Variants in PAX1 observed in about 807,000 individuals in gnomAD.
The protein encoded by PAX1 is paired box protein Pax-1.
Under a neutral mutation model 35.6 loss-of-function variants are expected in PAX1, and 18 were observed. That is an observed-to-expected ratio of 0.50 (90% confidence interval 0.35 to 0.75). The LOEUF (loss-of-function observed/expected upper bound fraction) is 0.75, where lower values mean the gene tolerates loss of function less well. PAX1 is among the 30% of genes least tolerant of loss of function. PAX1 has a pLI of 0.01. For synonymous variants in PAX1, 397 were observed against 305.2 expected (o/e 1.30, Z -3.14); for missense variants, 760 against 661.5 (o/e 1.15, Z -1.63).
Position 21,714,793 on chromosome 20 carries a change from T to C in PAX1, c.*231T>C. On this transcript the variant is annotated 3_prime_UTR_variant, in exon 5 of 5. Transcript: ENST00000613128. ...TCTGGGTTTTTAGGCTTCTCTGAACTTGGGTTTTAGACTGCCGTACCCTCC... is the reference window on the plus strand; with the variant it reads ...TCTGGGTTTTTAGGCTTCTCTGAACCTGGGTTTTAGACTGCCGTACCCTCC... The C allele has an allele frequency of 6.2e-7, 1 of 1,600,148 alleles. No homozygotes were observed. The highest frequency in any genetic ancestry group is 8.5e-7 in the Non-Finnish European group (1 of 1,179,810).
chr20:21,706,392 G>A lies in PAX1; in HGVS notation c.287-46G>A, dbSNP rs1555804450. On this transcript the variant is annotated intron_variant, in intron 1 of 4. Coordinates refer to ENST00000613128, the MANE Select transcript of PAX1 (RefSeq NM_001257096.2). The surrounding 1 kb of genome is among the most constrained non-coding windows in gnomAD (Gnocchi z 5.3). ...GTGGGGACCCTTGGCTAACCCGCCG[G>A]GTGTTTTCTCCCCCTCCGGCTCACT... 7 of 1,607,458 alleles carry A rather than the reference G, an allele frequency of 4.4e-6. No homozygotes were observed. In the South Asian group the frequency reaches 5.5e-5, roughly 13 times the overall value.
chr20:21,713,965 C>G (rs1388602392), intron 4 of PAX1, among the ~76,000 whole-genome samples: 2 of 152,260 alleles, frequency 1.3e-5, no homozygotes, highest in Admixed American at 1.3e-4. Context: ...CGCAAGATTT[C>G]CCCCTGCCCA....
chr20:21,714,463 T>C lies in PAX1; in HGVS notation c.1283-8T>C, dbSNP rs1164239181. 2.6e-6 allele frequency: 4 copies of C among 1,560,688 alleles called. No homozygotes were observed. Among genetic ancestry groups the C allele is most frequent in the Non-Finnish European group, 3.5e-6 (4 of 1,154,862 alleles). On this transcript the variant is annotated splice_polypyrimidine_tract_variant and splice_region_variant and intron_variant, in intron 4 of 4. Coordinates refer to ENST00000613128, the MANE Select transcript of PAX1 (RefSeq NM_001257096.2). ...AGTGATCCGACGCCTCTGTGCTTCCTCCCGCAGTGGCTGACAGGAAGCCTC... is the reference window on the plus strand; with the variant it reads ...AGTGATCCGACGCCTCTGTGCTTCCCCCCGCAGTGGCTGACAGGAAGCCTC...
rs768581096 is a variant in PAX1 at position 21,709,374 on chromosome 20, C to T, written c.1212C>T (p.Pro404=). 19 of 1,567,162 alleles carry T rather than the reference C, an allele frequency of 1.2e-5. No individual in the cohort carries two copies. The East Asian group carries it at 1.4e-4, about 11-fold the overall frequency. ...CGCAAGGTCCTCCTCTGGCGCCCCC[C>T]GGGGCCGGCGTAGCTGTGCATGGCG... ...PPAQGPPLAP[P]GAGVAVHGGE... Residue 404 remains proline (P), a synonymous_variant, in exon 4 of 5, where the codon CCC becomes CCT. Transcript: ENST00000613128.
At position 21,706,871 on chromosome 20, in the gene PAX1, G is replaced by A. The variant is rs1985024881; in HGVS notation, c.720G>A (p.Pro240=). The A allele has an allele frequency of 6.2e-7, 1 of 1,613,392 alleles. No homozygotes were observed. The highest frequency in any genetic ancestry group is 1.1e-5 in the South Asian group (1 of 91,082). The change falls in exon 2 of 5, where the codon CCG becomes CCA. Residue 240 remains proline, a synonymous_variant. Coordinates refer to ENST00000613128, the MANE Select transcript of PAX1 (RefSeq NM_001257096.2). This position sits in a 1 kb window ranked among gnomAD's most constrained non-coding sequence, Gnocchi z 5.3. Reference sequence around the variant, plus strand: ...GACCGTACGAGGCAAGTAAGCAGCCGCCGTCGCAGCCTACGCTGCCCTACA... The same window carrying A: ...GACCGTACGAGGCAAGTAAGCAGCCACCGTCGCAGCCTACGCTGCCCTACA... ...QPGPYEASKQ[P]PSQPTLPYNH...
At chr20:21,710,007 G>T (rs969068832) in intron 4 of PAX1, among the ~76,000 whole-genome samples, 1 of 149,078 alleles carries the variant, frequency 6.7e-6, no homozygotes, top group African/African-American at 2.4e-5. Context: ...AATACACACT[G>T]TGGGAAAGTA....
rs752031765 is a variant in PAX1 at position 21,709,430 on chromosome 20, A to C, written c.1268A>C (p.His423Pro). Residue 423 changes from histidine to proline, a missense_variant, in exon 4 of 5, where the codon CAT (histidine) becomes CCT (proline). Transcript: ENST00000613128. ...CTCGCGGCAGCAATGACCTTCAAGC[A>C]TCCCAGCCGAGAAGGTGAGGAGCGC... ...GELAAAMTFK[H>P]PSREVADRKP... 2.6e-5 allele frequency: 40 copies of C among 1,531,850 alleles called. No individual in the cohort carries two copies. Among genetic ancestry groups the C allele is most frequent in the Non-Finnish European group, 3.2e-5 (37 of 1,144,618 alleles). The allele number at this position is 1,531,850 out of a possible 1,614,324, so 94.9% of individuals were successfully genotyped here. A position where few individuals can be genotyped will look rare whatever the true frequency, so the allele number is the denominator to read the frequency against.
chr20:21,714,841 G>A lies in PAX1; in HGVS notation c.*279G>A. On this transcript the variant is annotated 3_prime_UTR_variant, in exon 5 of 5. Coordinates refer to ENST00000613128, the MANE Select transcript of PAX1 (RefSeq NM_001257096.2). Reference sequence around the variant, plus strand: ...TCCTCACAATCCTTGCTCTGACGTGGCCTCCTTCGCTCTGCCAGCTTCAAA... The same window carrying A: ...TCCTCACAATCCTTGCTCTGACGTGACCTCCTTCGCTCTGCCAGCTTCAAA... 1.3e-6 allele frequency: 2 copies of A among 1,535,320 alleles called. No individual in the cohort carries two copies. Among genetic ancestry groups the A allele is most frequent in the Non-Finnish European group, 1.8e-6 (2 of 1,121,744 alleles).
Position 21,708,559 on chromosome 20 carries a change from G to A in PAX1, c.918G>A (p.Gly306=). The change falls in exon 3 of 5, where the codon GGG becomes GGA. Residue 306 remains glycine, a splice_region_variant and synonymous_variant. Coordinates refer to ENST00000613128, the MANE Select transcript of PAX1 (RefSeq NM_001257096.2). ...LGIRTFMEQT[G]ALAGSEGTAY... ...TAATCCGTCCTCTCTCTCCTGCAGG[G>A]GCCCTGGCTGGGAGCGAAGGCACCG... 3 of 1,613,640 alleles carry A rather than the reference G, an allele frequency of 1.9e-6. No individual in the cohort carries two copies. The highest frequency in any genetic ancestry group is 2.7e-5 in the African/African-American group (2 of 75,062).
At chr20:21,714,093 C>T (rs1985285268) in intron 4 of PAX1, among the ~76,000 whole-genome samples, 1 of 152,256 alleles carries the variant, frequency 6.6e-6, no homozygotes, top group South Asian at 2.1e-4. Context: ...AGTCCTGTTC[C>T]CTTCTGCGGA....
rs1448845058 is a variant in PAX1 at position 21,716,020 on chromosome 20, T to C, written c.*1458T>C. Reference sequence around the variant, plus strand: ...AGCAAGTCTGTTTCTGAGCGCAGAGTGTTGAGTTCTTACTCCGTAGCTACC... The same window carrying C: ...AGCAAGTCTGTTTCTGAGCGCAGAGCGTTGAGTTCTTACTCCGTAGCTACC... On this transcript the variant is annotated 3_prime_UTR_variant, in exon 5 of 5. Coordinates refer to ENST00000613128, the MANE Select transcript of PAX1 (RefSeq NM_001257096.2). The C allele has an allele frequency of 6.6e-6, 1 of 152,196 alleles. No homozygotes were observed. The highest frequency in any genetic ancestry group is 1.5e-5 in the Non-Finnish European group (1 of 68,054). 9.4% of individuals were successfully genotyped at this position (152,196 alleles called of 1,614,324 possible). A position where few individuals can be genotyped will look rare whatever the true frequency, so the allele number is the denominator to read the frequency against.
intron 4 of PAX1, among the ~76,000 whole-genome samples, chr20:21,710,177 T>C (rs1011270522): frequency 6.6e-6 from 1 of 152,078 alleles, no homozygotes; most frequent in African/African-American, 2.4e-5. Flanking sequence ...TCCTTTTCCA[T>C]AAGTCCACTT....
intron 2 of PAX1, 156 bp from the exon 3 acceptor site, chr20:21,708,402 A>T (rs1985083853): frequency 2.3e-6 from 2 of 866,938 alleles, no homozygotes; most frequent in East Asian, 2.4e-5. Flanking sequence ...AGTGGTGAAC[A>T]TTCCAGTCCC....
Position 21,706,021 on chromosome 20 carries a change from G to A in PAX1, c.286+23G>A. 1 of 1,453,594 alleles carries A rather than the reference G, an allele frequency of 6.9e-7. No homozygotes were observed. The highest frequency in any genetic ancestry group is 2.5e-5 in the East Asian group (1 of 40,138). The allele number at this position is 1,453,594 out of a possible 1,614,324, so 90.0% of individuals were successfully genotyped here. Reference sequence around the variant, plus strand: ...TGGGTAAGGGGCGGGCGACAGGCAGGGCTCGGGAGGGCTGATGAGGTGGGT... The same window carrying A: ...TGGGTAAGGGGCGGGCGACAGGCAGAGCTCGGGAGGGCTGATGAGGTGGGT... On this transcript the variant is annotated intron_variant, in intron 1 of 4. Coordinates refer to ENST00000613128, the MANE Select transcript of PAX1 (RefSeq NM_001257096.2). The surrounding 1 kb of genome is among the most constrained non-coding windows in gnomAD (Gnocchi z 5.3).
rs747584250 is a variant in PAX1, at chr20:21,705,942, GCCCCGGCCA to G, written c.247_255del (p.His83_Gly85del). On this transcript the variant is annotated inframe_deletion, in exon 1 of 5. Coordinates refer to ENST00000613128, the MANE Select transcript of PAX1 (RefSeq NM_001257096.2). ...GCTCTCCCGGACTGCGCCGGGCCCA[GCCCCGGCCA>G]CCCCGGCCACCCCGGCGCCAGGCAG... The G allele has an allele frequency of 6.9e-5, 103 of 1,487,324 alleles. No individual in the cohort carries two copies. Among genetic ancestry groups the G allele is most frequent in the Middle Eastern group, 2.4e-4 (1 of 4,158 alleles). 92.1% of individuals were successfully genotyped at this position (1,487,324 alleles called of 1,614,324 possible). A position where few individuals can be genotyped will look rare whatever the true frequency, so the allele number is the denominator to read the frequency against.
Position 21,706,413 on chromosome 20 carries a change from T to G in PAX1, c.287-25T>G. On this transcript the variant is annotated intron_variant, in intron 1 of 4. Transcript: ENST00000613128. This position sits in a 1 kb window ranked among gnomAD's most constrained non-coding sequence, Gnocchi z 5.3. ...GCCGGGTGTTTTCTCCCCCTCCGGC[T>G]CACTCTTGTCTGGCGCATCCGCAGA... 1 of 1,610,382 alleles carries G rather than the reference T, an allele frequency of 6.2e-7. No individual in the cohort carries two copies. The highest frequency in any genetic ancestry group is 8.5e-7 in the Non-Finnish European group (1 of 1,179,896).
In PAX1 at chr20:21,706,388, G is replaced by T. The variant is rs973554383; in HGVS notation, c.287-50G>T. The T allele has an allele frequency of 6.2e-7, 1 of 1,605,986 alleles. No individual in the cohort carries two copies. Among genetic ancestry groups the T allele is most frequent in the Non-Finnish European group, 8.5e-7 (1 of 1,179,194 alleles). On this transcript the variant is annotated intron_variant, in intron 1 of 4. Transcript: ENST00000613128. The surrounding 1 kb of genome is among the most constrained non-coding windows in gnomAD (Gnocchi z 5.3). ...CCGCGTGGGGACCCTTGGCTAACCC[G>T]CCGGGTGTTTTCTCCCCCTCCGGCT... is the stretch of plus-strand genomic sequence containing the variant.
intron 4 of PAX1, among the ~76,000 whole-genome samples, chr20:21,709,964 A>G (rs1179839958): frequency 6.6e-6 from 1 of 151,860 alleles, no homozygotes; most frequent in Non-Finnish European, 1.5e-5. Context: ...GGTTCCTTAG[A>G]GAGAAAAAAA....
At chr20:21,709,521 GA>G (rs780158059) in intron 4 of PAX1, 77 bp downstream of exon 4, 889 of 1,151,618 alleles carry the variant, frequency 7.7e-4, no homozygotes, top group Non-Finnish European at 1.0e-3. Context: ...GTGAGCCTGG[GA>G]AAAGGGAGAG....
Sources: gnomAD v4.1 joint callset for allele counts (sites outside exome capture counted in the v4.1 genomes callset) on GRCh38, gnomAD v4.1.1 for gene constraint, Gnocchi (gnomAD v3.1) non-coding constraint, MANE v1.5 for transcripts, NCBI Gene and HGNC (gene_info 2026-07-23, HGNC 2026-07-21) for gene names.